Variants in GMEB1 observed in about 807,000 individuals in gnomAD.
GMEB1 encodes glucocorticoid modulatory element-binding protein 1.
GMEB1 carries 6 observed loss-of-function variants against 52.4 expected under a neutral mutation model. That is an observed-to-expected ratio of 0.11 (90% CI 0.06 to 0.23). The LOEUF (loss-of-function observed/expected upper bound fraction) is 0.23. GMEB1 is among the 10% of genes least tolerant of loss of function. The probability of loss-of-function intolerance (pLI) is 1.00; values close to 1 mark genes in which losing one functional copy is unlikely to be tolerated. For missense variants in GMEB1, 486 were observed against 685.6 expected (o/e 0.71, Z 3.25); for synonymous variants, 255 against 244.9 (o/e 1.04, Z -0.38).
At chr1:28,686,417 TC>T (rs1314603427) in intron 2 of GMEB1, among the ~76,000 whole-genome samples, 2 of 151,934 alleles carry the variant, frequency 1.3e-5, no homozygotes, top group South Asian at 2.1e-4. Flanking sequence ...GGTGGGCAGA[TC>T]AGGAGTTCGA....
intron 9 of GMEB1, among the ~76,000 whole-genome samples, chr1:28,713,754 G>C (rs1671166362): frequency 6.6e-6 from 1 of 152,150 alleles, no homozygotes; most frequent in Non-Finnish European, 1.5e-5. Context: ...AGTTCCAAGG[G>C]ACTGTGCCAG....
intron 1 of GMEB1, among the ~76,000 whole-genome samples, chr1:28,671,409 GC>G (rs1183731703): frequency 6.6e-6 from 1 of 152,028 alleles, no homozygotes; most frequent in Admixed American, 6.6e-5. Context: ...GTGGCACTGC[GC>G]CCGCCTAATT....
rs1557527512 is a variant in GMEB1 at position 28,714,780 on chromosome 1, A to T, written c.*7A>T. The T allele has an allele frequency of 6.4e-7, 1 of 1,560,728 alleles. No homozygotes were observed. The highest frequency in any genetic ancestry group is 8.8e-7 in the Non-Finnish European group (1 of 1,133,432). ...TGTGGTCTTAGAGGATTAACTGGGG[A>T]TCTCAGGGCCAGGAGTTATGTTTTG... On this transcript the variant is annotated 3_prime_UTR_variant, in exon 10 of 10. Coordinates refer to ENST00000373816, the MANE Select transcript of GMEB1 (RefSeq NM_001319674.2).
chr1:28,700,664 A>G (rs2318376), intron 6 of GMEB1, among the ~76,000 whole-genome samples: 57,555 of 150,398 alleles, frequency 0.38, 12,444 homozygotes, highest in East Asian at 0.76. Context: ...CAGCCTGGGC[A>G]ACAAAGTGAG....
At chr1:28,688,690 CT>C (rs1326959244) in intron 2 of GMEB1, among the ~76,000 whole-genome samples, 1 of 151,896 alleles carries the variant, frequency 6.6e-6, no homozygotes, top group African/African-American at 2.4e-5. Context: ...TGCTAAAATG[CT>C]AAAAACAAAC....
intron 6 of GMEB1, 78 bp downstream of exon 6, chr1:28,697,162 C>CATACATATAT (rs1670247289): frequency 6.9e-6 from 1 of 145,494 alleles, no homozygotes; most frequent in Non-Finnish European, 1.2e-5. Context: ...CTTGTGTGTA[C>CATACATATAT]ATATATATAT....
intron 1 of GMEB1, among the ~76,000 whole-genome samples, chr1:28,679,164 AT>A (rs1669287313): frequency 6.8e-6 from 1 of 148,018 alleles, no homozygotes; most frequent in Admixed American, 6.8e-5. Flanking sequence ...GATCACAGGC[AT>A]GAGCCACCAC....
rs368156083 is a variant in GMEB1 at position 28,670,754 on chromosome 1, T to G, written c.-31+1915T>G. Among the ~76,000 whole-genome samples the G allele has an allele frequency of 5.3e-4, 80 of 152,304 alleles. 1 individual carries two copies. The South Asian group carries it at 0.016, about 31-fold the overall frequency. On this transcript the variant is annotated intron_variant, in intron 1 of 9. Coordinates refer to ENST00000373816, the MANE Select transcript of GMEB1 (RefSeq NM_001319674.2). The stretch of plus-strand genomic sequence containing the variant: ...TCCTAAAGTGCTGGTATTACAGGCG[T>G]GAGCCACTGCGCCCGGCGGGGGAAA...
chr1:28,712,402 T>C lies in GMEB1; in HGVS notation c.992-1671T>C, dbSNP rs1004235102. ...TAATCAACCTACAGCCTCTCTCCAC[T>C]CCTTGGAGGTTCGGGGGGAGGGCTG... On this transcript the variant is annotated intron_variant, in intron 9 of 9. Transcript: ENST00000373816. 3.3e-5 allele frequency among the ~76,000 whole-genome samples: 5 copies of C among 152,168 alleles called. No individual in the cohort carries two copies. In the South Asian group the frequency reaches 1.0e-3, roughly 32 times the overall value.
At chr1:28,695,703 C>T (rs1339086232) in intron 5 of GMEB1, among the ~76,000 whole-genome samples, 2 of 148,630 alleles carry the variant, frequency 1.3e-5, no homozygotes, top group African/African-American at 5.0e-5. Flanking sequence ...CTTTGGGAGG[C>T]CGAGGCGGGC....
chr1:28,701,285 T>TTTTTTTA (rs1670496952), intron 6 of GMEB1, among the ~76,000 whole-genome samples: 1 of 148,574 alleles, frequency 6.7e-6, no homozygotes, highest in African/African-American at 2.5e-5. Flanking sequence ...TTTTTTTTTT[T>TTTTTTTA]GAGATGATTT....
chr1:28,698,590 G>A (rs190038077), intron 6 of GMEB1, among the ~76,000 whole-genome samples: 155 of 151,596 alleles, frequency 1.0e-3, no homozygotes, highest in African/African-American at 3.6e-3. Context: ...CAGGAGAATG[G>A]TGTGAACCCA....
intron 9 of GMEB1, 24 bp downstream of exon 9, chr1:28,710,666 T>C (rs761051239): frequency 1.3e-6 from 2 of 1,481,928 alleles, no homozygotes; most frequent in Non-Finnish European, 1.8e-6. Context: ...ATCGCTCTTC[T>C]TCGGTGATAT....
At chr1:28,685,615 G>A (rs1028972193) in intron 2 of GMEB1, among the ~76,000 whole-genome samples, 4 of 152,120 alleles carry the variant, frequency 2.6e-5, no homozygotes, top group Non-Finnish European at 4.4e-5. Flanking sequence ...AGAGAATTAA[G>A]CTCAATCCAT....
At chr1:28,711,838 A>C (rs911786588) in intron 9 of GMEB1, among the ~76,000 whole-genome samples, 2 of 152,184 alleles carry the variant, frequency 1.3e-5, no homozygotes, top group Non-Finnish European at 2.9e-5. Flanking sequence ...GTTTTTCTGC[A>C]TATACCGAGC....
chr1:28,699,296 C>T (rs1287482166), intron 6 of GMEB1, among the ~76,000 whole-genome samples: 2 of 152,136 alleles, frequency 1.3e-5, no homozygotes, highest in Non-Finnish European at 2.9e-5. Flanking sequence ...TTAGTTAGTC[C>T]AGCTGGAGAC....
intron 7 of GMEB1, among the ~76,000 whole-genome samples, chr1:28,703,979 A>G (rs929179440): frequency 6.6e-6 from 1 of 152,102 alleles, no homozygotes; most frequent in Non-Finnish European, 1.5e-5. Context: ...TGAGGCAATC[A>G]TCCCAAGCAC....
intron 2 of GMEB1, among the ~76,000 whole-genome samples, chr1:28,685,203 AG>A (rs1219994426): frequency 6.6e-6 from 1 of 151,962 alleles, no homozygotes; most frequent in African/African-American, 2.4e-5. Context: ...AGATTTAAAA[AG>A]GGGTTCTTTT....
upstream of GMEB1, chr1:28,668,715 G>A (rs951767199): frequency 6.5e-6 from 1 of 153,888 alleles, no homozygotes; most frequent in Admixed American, 6.6e-5. Context: ...CTCCGGCGGC[G>A]GCGGCCGGAA....
Sources: gnomAD v4.1 joint callset for allele counts (sites outside exome capture counted in the v4.1 genomes callset) on GRCh38, gnomAD v4.1.1 for gene constraint, MANE v1.5 for transcripts, NCBI Gene and HGNC (gene_info 2026-07-23, HGNC 2026-07-21) for gene names.